XIRP1: variants seen among roughly 807,000 people sequenced by gnomAD.
XIRP1 encodes xin actin-binding repeat-containing protein 1.
For missense variants in XIRP1, 2,378 were observed against 2,345.4 expected, an observed-to-expected ratio of 1.01 and a Z score of -0.29; for synonymous variants, 984 against 947.0, an observed-to-expected ratio of 1.04 and a Z score of -0.72.
chr3:39,185,975 G>C lies in XIRP1; in HGVS notation c.3471C>G (p.Val1157=). Residue 1157 remains valine (V), a synonymous_variant, in exon 2 of 2, where the codon GTC becomes GTG. Coordinates refer to ENST00000340369, the MANE Select transcript of XIRP1 (RefSeq NM_194293.4). ...PVRTFDPPGG[V]QLSQREPQSR... ...ACTGGGGTTCCCTCTGAGAAAGCTGGACACCCCCAGGTGGGTCAAAGGTCC... is the reference window on the plus strand; with the variant it reads ...ACTGGGGTTCCCTCTGAGAAAGCTGCACACCCCCAGGTGGGTCAAAGGTCC... 6.2e-7 allele frequency: 1 copy of C among 1,614,092 alleles called. No individual in the cohort carries two copies. Among genetic ancestry groups the C allele is most frequent in the Non-Finnish European group, 8.5e-7 (1 of 1,179,978 alleles).
Position 39,188,554 on chromosome 3 carries a change from C to G in XIRP1, c.892G>C (p.Glu298Gln). 6.2e-7 allele frequency: 1 copy of G among 1,612,418 alleles called. No individual in the cohort carries two copies. Among genetic ancestry groups the G allele is most frequent in the South Asian group, 1.1e-5 (1 of 91,060 alleles). Residue 298 changes from glutamate (E) to glutamine (Q), a missense_variant, in exon 2 of 2, where the codon GAG (glutamate) becomes CAG (glutamine). By Grantham distance (29) the Glu-to-Gln change is conservative. Coordinates refer to ENST00000340369, the MANE Select transcript of XIRP1 (RefSeq NM_194293.4). The part of the protein sequence containing the change: ...VRVIRGISLE[E>Q]GARPDVSATR... ...GCACTGACGTCGGGCCGGGCCCCCT[C>G]CTCCAGGGAAATCCCCCGGATCACC... is the stretch of plus-strand genomic sequence containing the variant.
Position 39,187,744 on chromosome 3 carries a change from G to C in XIRP1, c.1702C>G (p.Gln568Glu). The C allele has an allele frequency of 6.2e-7, 1 of 1,614,076 alleles. No homozygotes were observed. Among genetic ancestry groups the C allele is most frequent in the East Asian group, 2.2e-5 (1 of 44,878 alleles). ...TTCCCTTCTTCTTTCTGTCGTTCCTGCTGCTCCCGTTGGTGGATCATCTCC... is the reference window on the plus strand; with the variant it reads ...TTCCCTTCTTCTTTCTGTCGTTCCTCCTGCTCCCGTTGGTGGATCATCTCC... Reference protein sequence around the residue: ...PLEMIHQREQQERQKEEGKSQ... With the variant: ...PLEMIHQREQEERQKEEGKSQ... Residue 568 changes from glutamine to glutamate, a missense_variant, in exon 2 of 2, where the codon CAG becomes GAG. Physicochemically the swap from Gln to Glu is conservative, Grantham distance 29 (BLOSUM62 2). Transcript: ENST00000340369.
Position 39,184,852 on chromosome 3 carries a change from C to A in XIRP1, c.4594G>T (p.Val1532Phe). ...TTCAGTTGAGCAACTTCCGTGCTGACCCGTGTCAGCTCCCCAAAGGCCTGC... is the reference window on the plus strand; with the variant it reads ...TTCAGTTGAGCAACTTCCGTGCTGAACCGTGTCAGCTCCCCAAAGGCCTGC... ...VEQAFGELTR[V>F]STEVAQLKEQ... is the part of the protein sequence containing the mutation. The change falls in exon 2 of 2, where the codon GTC becomes TTC. Residue 1532 changes from valine to phenylalanine, a missense_variant. Coordinates refer to ENST00000340369, the MANE Select transcript of XIRP1 (RefSeq NM_194293.4). The A allele has an allele frequency of 1.2e-6, 2 of 1,610,266 alleles. No homozygotes were observed. Among genetic ancestry groups the A allele is most frequent in the South Asian group, 1.1e-5 (1 of 90,970 alleles).
At position 39,185,869 on chromosome 3, in the gene XIRP1, GC is replaced by G. The variant is rs1171091623; in HGVS notation, c.3576del (p.Arg1193GlyfsTer34). Reference protein sequence around the residue: ...QGGPGQSTGPGREEPGGCTQM... With the variant: ...QGGPGQSTGPXREEPGGCTQM... ...TGTGTGCAGCCCCCAGGCTCCTCCCGCCCTGGCCCAGTACTCTGACCTGGGC... is the reference window on the plus strand; with the variant it reads ...TGTGTGCAGCCCCCAGGCTCCTCCCGCCTGGCCCAGTACTCTGACCTGGGC... On this transcript the variant is annotated frameshift_variant, in exon 2 of 2. Coordinates refer to ENST00000340369, the MANE Select transcript of XIRP1 (RefSeq NM_194293.4). LOFTEE classifies it low-confidence loss of function (END_TRUNC). 9.3e-6 allele frequency: 15 copies of G among 1,613,056 alleles called. No individual in the cohort carries two copies. The highest frequency in any genetic ancestry group is 1.3e-5 in the Non-Finnish European group (15 of 1,179,682).
Position 39,187,342 on chromosome 3 carries a change from C to T in XIRP1, c.2104G>A (p.Ala702Thr). The part of the protein sequence containing the change: ...QVSRQKEVFQ[A>T]LEAGKKEEQE... ...TCTTCCTTCTTGCCTGCCTCCAGGGCCTGAAAAACCTCTTTCTGACGAGAC... is the reference window on the plus strand; with the variant it reads ...TCTTCCTTCTTGCCTGCCTCCAGGGTCTGAAAAACCTCTTTCTGACGAGAC... The change falls in exon 2 of 2, where the codon GCC becomes ACC. Residue 702 changes from alanine to threonine, a missense_variant. Transcript: ENST00000340369. 6.2e-7 allele frequency: 1 copy of T among 1,604,986 alleles called. No individual in the cohort carries two copies. Among genetic ancestry groups the T allele is most frequent in the South Asian group, 1.1e-5 (1 of 90,334 alleles).
At position 39,188,768 on chromosome 3, in the gene XIRP1, A is replaced by G; in HGVS notation, c.678T>C (p.Gly226=). Residue 226 remains glycine (G), a synonymous_variant, in exon 2 of 2, where the codon GGT becomes GGC. Transcript: ENST00000340369. ...ELRSEIQELK[G]DVKKTVKLFQ... ...AGAGCTTCACTGTCTTTTTCACATC[A>G]CCCTTCAGCTCCTGGATCTCTGAGC... 1 of 1,613,048 alleles carries G rather than the reference A, an allele frequency of 6.2e-7. No homozygotes were observed. The highest frequency in any genetic ancestry group is 8.5e-7 in the Non-Finnish European group (1 of 1,179,880).
In XIRP1 at chr3:39,187,336, C is replaced by G. The variant is rs759310375; in HGVS notation, c.2110G>C (p.Glu704Gln). The change falls in exon 2 of 2, where the codon GAG becomes CAG. Residue 704 changes from glutamate to glutamine, a missense_variant. Physicochemically the swap from Glu to Gln is conservative, Grantham distance 29 (BLOSUM62 2). Coordinates refer to ENST00000340369, the MANE Select transcript of XIRP1 (RefSeq NM_194293.4). ...SRQKEVFQAL[E>Q]AGKKEEQEPR... ...TCCTGTTCTTCCTTCTTGCCTGCCTCCAGGGCCTGAAAAACCTCTTTCTGA... is the reference window on the plus strand; with the variant it reads ...TCCTGTTCTTCCTTCTTGCCTGCCTGCAGGGCCTGAAAAACCTCTTTCTGA... 6.2e-7 allele frequency: 1 copy of G among 1,604,580 alleles called. No homozygotes were observed.
intron 1 of XIRP1, among the ~76,000 whole-genome samples, 174 bp downstream of exon 1, chr3:39,192,272 C>T (rs1282762290): frequency 2.0e-5 from 3 of 152,208 alleles, no homozygotes. Context: ...ACTGTCTTTA[C>T]CTCCTTTGTG....
chr3:39,187,454 C>T lies in XIRP1; in HGVS notation c.1992G>A (p.Glu664=). ...GGCCTGAGGCCTGAAGAGGCTCGGT[C>T]TCAAAGACGTGTCTGTCTGTCTGTC... is the stretch of plus-strand genomic sequence containing the variant. ...GERQTDRHVF[E]TEPLQASGRP... The change falls in exon 2 of 2, where the codon GAG becomes GAA. Residue 664 remains glutamate (E), a synonymous_variant. Transcript: ENST00000340369. 1 of 1,614,116 alleles carries T rather than the reference C, an allele frequency of 6.2e-7. No individual in the cohort carries two copies. The highest frequency in any genetic ancestry group is 1.1e-5 in the South Asian group (1 of 91,084).
In XIRP1 at chr3:39,186,908, C is replaced by A; in HGVS notation, c.2538G>T (p.Leu846=). Residue 846 remains leucine, a synonymous_variant, in exon 2 of 2, where the codon CTG becomes CTT. Coordinates refer to ENST00000340369, the MANE Select transcript of XIRP1 (RefSeq NM_194293.4). ...RRPDVDQQGL[L]VQEDPTGQLQ... is the part of the protein sequence containing the mutation. ...GCTGGCCAGTTGGGTCTTCCTGCAC[C>A]AGCAGCCCCTGCTGGTCCACATCTG... 1 of 1,614,024 alleles carries A rather than the reference C, an allele frequency of 6.2e-7. No homozygotes were observed. The highest frequency in any genetic ancestry group is 2.2e-5 in the East Asian group (1 of 44,874).
rs1286917982 is a variant in XIRP1, at chr3:39,188,950, C to T, written c.496G>A (p.Asp166Asn). The change falls in exon 2 of 2, where the codon GAC (aspartate) becomes AAC (asparagine). Residue 166 changes from aspartate to asparagine, a missense_variant. By Grantham distance (23) the Asp-to-Asn change is conservative. Coordinates refer to ENST00000340369, the MANE Select transcript of XIRP1 (RefSeq NM_194293.4). ...ARWLFETKPL[D>N]ELTGQAKELE... is the part of the protein sequence containing the mutation. ...TCCTTGGCTTGCCCTGTCAGCTCGTCCAGTGGCTTTGTCTCAAATAGCCAG... is the reference window on the plus strand; with the variant it reads ...TCCTTGGCTTGCCCTGTCAGCTCGTTCAGTGGCTTTGTCTCAAATAGCCAG... 1 of 1,613,628 alleles carries T rather than the reference C, an allele frequency of 6.2e-7. No individual in the cohort carries two copies. The highest frequency in any genetic ancestry group is 8.5e-7 in the Non-Finnish European group (1 of 1,180,030).
rs2040033712 is a variant in XIRP1, at chr3:39,188,624, C to G, written c.822G>C (p.Glu274Asp). ...NAVRSARWLFETRPLDAINQD... is the reference protein window; with the variant it reads ...NAVRSARWLFDTRPLDAINQD... ...GGTTGATGGCGTCCAGAGGCCGGGT[C>G]TCAAAGAGCCAGCGGGCAGACCTCA... Residue 274 changes from glutamate (E) to aspartate (D), a missense_variant, in exon 2 of 2, where the codon GAG becomes GAC. Glu to Asp is a conservative substitution (Grantham distance 45). Coordinates refer to ENST00000340369, the MANE Select transcript of XIRP1 (RefSeq NM_194293.4). The G allele has an allele frequency of 6.2e-7, 1 of 1,613,562 alleles. No individual in the cohort carries two copies. Among genetic ancestry groups the G allele is most frequent in the Non-Finnish European group, 8.5e-7 (1 of 1,180,028 alleles).
rs1407765069 is a variant in XIRP1 at position 39,188,675 on chromosome 3, G to A, written c.771C>T (p.Cys257=). 1 of 1,613,384 alleles carries A rather than the reference G, an allele frequency of 6.2e-7. No homozygotes were observed. The highest frequency in any genetic ancestry group is 8.5e-7 in the Non-Finnish European group (1 of 1,180,010). ...EGAIHEVKAA[C]REEIQSNAVR... is the part of the protein sequence containing the mutation. ...CCGCGTTGCTTTGGATCTCCTCCCG[G>A]CATGCGGCCTTGACCTCATGGATGG... The change falls in exon 2 of 2, where the codon TGC becomes TGT. Residue 257 remains cysteine, a synonymous_variant. Coordinates refer to ENST00000340369, the MANE Select transcript of XIRP1 (RefSeq NM_194293.4).
chr3:39,185,639 A>C lies in XIRP1; in HGVS notation c.3807T>G (p.Phe1269Leu). ...CCTCAGCACGGTGGGCTCCAGCTGG[A>C]AAGTCAGGTCCTGTCACAGCAGCTG... ...TLPAAVTGPDFPAGAHRAEDS... is the reference protein window; with the variant it reads ...TLPAAVTGPDLPAGAHRAEDS... Residue 1269 changes from phenylalanine (F) to leucine (L), a missense_variant, in exon 2 of 2, where the codon TTT becomes TTG. Coordinates refer to ENST00000340369, the MANE Select transcript of XIRP1 (RefSeq NM_194293.4). The C allele has an allele frequency of 6.2e-7, 1 of 1,613,312 alleles. No homozygotes were observed. The highest frequency in any genetic ancestry group is 8.5e-7 in the Non-Finnish European group (1 of 1,179,644).
rs1282214860 is a variant in XIRP1, at chr3:39,188,092, T to C, written c.1354A>G (p.Ser452Gly). 2 of 1,614,216 alleles carry C rather than the reference T, an allele frequency of 1.2e-6. No individual in the cohort carries two copies. The highest frequency in any genetic ancestry group is 1.7e-5 in the Admixed American group (1 of 60,034). Residue 452 changes from serine (S) to glycine (G), a missense_variant, in exon 2 of 2, where the codon AGC (serine) becomes GGC (glycine). By Grantham distance (56) the Ser-to-Gly change is moderately conservative. Transcript: ENST00000340369. ...GCCAGAACCTCACCCTGTCCAATGC[T>C]GTCCAAGGGAAGGGTCTCAAAAAGG... ...KNLFETLPLD[S>G]IGQGEVLAHG...
chr3:39,190,650 C>T (rs549476696), intron 1 of XIRP1, among the ~76,000 whole-genome samples: 16 of 152,258 alleles, frequency 1.1e-4, no homozygotes, highest in East Asian at 3.9e-4. Context: ...GCTACACCCC[C>T]GCCCCTCAAT....
rs781450401 is a variant in XIRP1, at chr3:39,184,637, G to A, written c.4809C>T (p.Val1603=). The change falls in exon 2 of 2, where the codon GTC becomes GTT. Residue 1603 remains valine, a synonymous_variant. Coordinates refer to ENST00000340369, the MANE Select transcript of XIRP1 (RefSeq NM_194293.4). ...SARPSGSGQE[V]GGQTAVKNQA... is the part of the protein sequence containing the mutation. ...GGTTCTTGACTGCAGTTTGACCTCC[G>A]ACCTCCTGGCCTGAGCCACTGGGCC... The A allele has an allele frequency of 2.5e-5, 40 of 1,613,748 alleles. No individual in the cohort carries two copies. The highest frequency in any genetic ancestry group is 2.0e-4 in the Admixed American group (12 of 59,984).
Position 39,184,103 on chromosome 3 carries a change from T to A in XIRP1, c.5343A>T (p.Thr1781=). 3 of 1,605,834 alleles carry A rather than the reference T, an allele frequency of 1.9e-6. No individual in the cohort carries two copies. The highest frequency in any genetic ancestry group is 2.6e-6 in the Non-Finnish European group (3 of 1,174,064). The stretch of plus-strand genomic sequence containing the variant: ...TGACTGTGGTGGAAGACATGAGGAC[T>A]GTGTTCCCAAACTGGTCCACCTCCT... ...QYEEVDQFGN[T]VLMSSTTVTE... is the part of the protein sequence containing the mutation. Residue 1781 remains threonine (T), a synonymous_variant, in exon 2 of 2, where the codon ACA becomes ACT. Coordinates refer to ENST00000340369, the MANE Select transcript of XIRP1 (RefSeq NM_194293.4).
rs368543582 is a variant in XIRP1 at position 39,185,585 on chromosome 3, C to T, written c.3861G>A (p.Leu1287=). ...EDSIQQASEP[L]KDPLLHSHSS... ...TGTGGGAGTGAAGAAGGGGGTCCTT[C>T]AGGGGCTCAGAGGCTTGCTGGATGG... is the stretch of plus-strand genomic sequence containing the variant. The change falls in exon 2 of 2, where the codon CTG becomes CTA. Residue 1287 remains leucine, a synonymous_variant. Transcript: ENST00000340369. The T allele has an allele frequency of 6.9e-6, 11 of 1,592,612 alleles. No individual in the cohort carries two copies. The highest frequency in any genetic ancestry group is 9.4e-6 in the Non-Finnish European group (11 of 1,168,342).
Sources: allele counts gnomAD v4.1 joint callset (sites outside exome capture counted in the v4.1 genomes callset), GRCh38; gene constraint gnomAD v4.1.1; transcripts MANE v1.5; gene names NCBI Gene and HGNC (gene_info 2026-07-23, HGNC 2026-07-21).